The following CSGALNACT1 variants were observed in gnomAD, a reference collection of about 807,000 sequenced individuals.
CSGALNACT1 encodes chondroitin sulfate N-acetylgalactosaminyltransferase 1.
A neutral mutation model predicts 51.0 loss-of-function variants in CSGALNACT1; 52 were observed. The ratio of observed to expected loss-of-function variants is 1.02; its 90% CI spans 0.82 to 1.29. The LOEUF is 1.29. Ranked by LOEUF, CSGALNACT1 falls within the 50% of genes most tolerant of loss-of-function variation. The probability of loss-of-function intolerance (pLI) is 0.00; values close to 1 mark genes in which losing one functional copy is unlikely to be tolerated. For synonymous variants in CSGALNACT1, 341 were observed against 254.4 expected, an observed-to-expected ratio of 1.34 and a Z score of -3.24; for missense variants, 935 against 679.2, an observed-to-expected ratio of 1.38 and a Z score of -4.19.
intron 4 of CSGALNACT1, among the ~76,000 whole-genome samples, chr8:19,502,233 G>T (rs1363465073): frequency 6.6e-6 from 1 of 152,204 alleles, no homozygotes; most frequent in Non-Finnish European, 1.5e-5. Flanking sequence ...TCTGAGAGAT[G>T]GTTGCTTGGC....
intron 3 of CSGALNACT1, among the ~76,000 whole-genome samples, chr8:19,526,361 G>A (rs1367017060): frequency 6.6e-5 from 10 of 152,188 alleles, no homozygotes; most frequent in Admixed American, 6.5e-4. Context: ...GAGGCAGGCA[G>A]ATCACAAGGT....
Position 19,514,475 on chromosome 8 carries a change from CTATATATATATATATATATATATA to C in CSGALNACT1, c.-296-8369_-296-8346del, listed in dbSNP as rs33928915. On this transcript the variant is annotated intron_variant, in intron 3 of 9. Transcript: ENST00000454498. ...GCATCATATGACTTTTGAACAGAGA[CTATATATATATATATATATATATA>C]TATATATATATACATGTATCTATTT... Among the ~76,000 whole-genome samples, 281 of 78,818 alleles carry C rather than the reference CTATATATATATATATATATATATA, an allele frequency of 3.6e-3. 7 individuals are homozygous for C. The highest frequency in any genetic ancestry group is 8.5e-3 in the Middle Eastern group (1 of 118). The allele number at this position is 78,818 out of a possible 152,430, so 51.7% of individuals were successfully genotyped here.
rs142099943 is a variant in CSGALNACT1, at chr8:19,737,965, C to T, written c.-297+19885G>A. 3.7e-3 allele frequency among the ~76,000 whole-genome samples: 566 copies of T among 152,244 alleles called. 4 individuals carry two copies. The highest frequency in any genetic ancestry group is 0.013 in the African/African-American group (544 of 41,548). Reference sequence around the variant, plus strand: ...ATATTAAAAGAGTTCTGGAGATGGGCAGTGGTGATAGTTGCATAACATGAA... The same window carrying T: ...ATATTAAAAGAGTTCTGGAGATGGGTAGTGGTGATAGTTGCATAACATGAA... On this transcript the variant is annotated intron_variant, in intron 1 of 1. Transcript: ENST00000517494.
At chr8:19,742,945 T>G (rs1307497218) in intron 1 of CSGALNACT1, among the ~76,000 whole-genome samples, 1 of 152,216 alleles carries the variant, frequency 6.6e-6, no homozygotes, top group Non-Finnish European at 1.5e-5. Flanking sequence ...GGCTTCTCCT[T>G]CTGTGGTGCA....
exon 4 of CSGALNACT1, chr8:19,505,854 C>G: frequency 6.2e-7 from 1 of 1,606,202 alleles, no homozygotes; most frequent in South Asian, 1.1e-5. Flanking sequence ...AGCCATGCGT[C>G]CAGAACCGGT....
Position 19,406,259 on chromosome 8 carries a change from A to G in CSGALNACT1, c.1310-190T>C, listed in dbSNP as rs1198059229. Among the ~76,000 whole-genome samples the G allele has an allele frequency of 2.6e-5, 4 of 152,142 alleles. No homozygotes were observed. In the East Asian group the frequency reaches 5.8e-4, roughly 22 times the overall value. On this transcript the variant is annotated intron_variant, in intron 9 of 9. Coordinates refer to ENST00000454498, the Ensembl canonical transcript of CSGALNACT1. The stretch of plus-strand genomic sequence containing the variant: ...GAATTCCCCAACAAAGACGACTTTT[A>G]TGGCAGACAGCACCGACTTCTTCAG...
intron 1 of CSGALNACT1, among the ~76,000 whole-genome samples, chr8:19,706,656 G>A (rs1393035663): frequency 1.3e-5 from 2 of 152,144 alleles, no homozygotes. Flanking sequence ...CAGAGCATCT[G>A]CAGGTCAGGC....
intron 4 of CSGALNACT1, among the ~76,000 whole-genome samples, chr8:19,500,552 A>G (rs2076242606): frequency 6.6e-6 from 1 of 152,136 alleles, no homozygotes; most frequent in African/African-American, 2.4e-5. Context: ...CAGGACCTCA[A>G]ATTCTATTTG....
At chr8:19,629,767 T>C (rs1309608973) in intron 1 of CSGALNACT1, among the ~76,000 whole-genome samples, 1 of 152,204 alleles carries the variant, frequency 6.6e-6, no homozygotes, top group African/African-American at 2.4e-5. Context: ...AATCAAGCCC[T>C]TCTTTCAGGA....
At chr8:19,607,005 A>C (rs2051474113), upstream of CSGALNACT1, among the ~76,000 whole-genome samples, 1 of 152,084 alleles carries the variant, frequency 6.6e-6, no homozygotes. Flanking sequence ...AATACAAAAA[A>C]TTAGCCGGGC....
intron 1 of CSGALNACT1, among the ~76,000 whole-genome samples, chr8:19,614,414 G>C (rs1216780276): frequency 6.6e-6 from 1 of 152,124 alleles, no homozygotes; most frequent in East Asian, 1.9e-4. Context: ...CAGTTAGCCA[G>C]TTTCTGTTCT....
chr8:19,513,436 C>CTCTATATA lies in CSGALNACT1; in HGVS notation c.-296-7307_-296-7306insTATATAGA. Reference sequence around the variant, plus strand: ...TCTCACTCTCTCTCTCTCTCTCTCTCTATATATATATATATATATATATAT... The same window carrying CTCTATATA: ...TCTCACTCTCTCTCTCTCTCTCTCTCTCTATATATATATATATATATATATATATATAT... On this transcript the variant is annotated intron_variant, in intron 3 of 9. Coordinates refer to ENST00000454498, the Ensembl canonical transcript of CSGALNACT1. Among the ~76,000 whole-genome samples the CTCTATATA allele has an allele frequency of 4.2e-3, 345 of 81,940 alleles. 1 individual carries two copies. Among genetic ancestry groups the CTCTATATA allele is most frequent in the East Asian group, 0.01 (13 of 1,264 alleles). The allele number at this position is 81,940 out of a possible 152,430, so 53.8% of individuals were successfully genotyped here.
At chr8:19,659,065 C>G (rs900435870) in intron 1 of CSGALNACT1, among the ~76,000 whole-genome samples, 11 of 152,156 alleles carry the variant, frequency 7.2e-5, no homozygotes, top group Non-Finnish European at 1.2e-4. Context: ...AGGGCTCCCC[C>G]CAACCCACCC....
chr8:19,577,039 C>A (rs1212468911), intron 3 of CSGALNACT1, among the ~76,000 whole-genome samples: 1 of 151,838 alleles, frequency 6.6e-6, no homozygotes, highest in Non-Finnish European at 1.5e-5. Context: ...AACATCCAAA[C>A]CCCCTTAGAC....
chr8:19,531,461 C>A (rs960084078), intron 3 of CSGALNACT1, among the ~76,000 whole-genome samples: 7 of 152,172 alleles, frequency 4.6e-5, no homozygotes, highest in Non-Finnish European at 1.0e-4. Context: ...TGGATCACTT[C>A]ATTTATTTAA....
At chr8:19,613,927 C>T (rs1479298168) in intron 1 of CSGALNACT1, among the ~76,000 whole-genome samples, 1 of 152,128 alleles carries the variant, frequency 6.6e-6, no homozygotes, top group African/African-American at 2.4e-5. Context: ...TTAGGGAAGT[C>T]CCAGATGTCA....
chr8:19,462,254 C>A (rs772687108), intron 4 of CSGALNACT1, among the ~76,000 whole-genome samples: 8 of 152,194 alleles, frequency 5.3e-5, no homozygotes, highest in Non-Finnish European at 1.0e-4. Context: ...TTATTCATGT[C>A]AGTAGCATAA....
intron 1 of CSGALNACT1, among the ~76,000 whole-genome samples, chr8:19,667,024 G>GA (rs1564386623): frequency 3.8e-4 from 10 of 26,626 alleles, no homozygotes; most frequent in East Asian, 2.0e-3. Flanking sequence ...AGAAAGGAAG[G>GA]AAGGAAGGAA....
chr8:19,744,009 A>G (rs10503663), intron 1 of CSGALNACT1, among the ~76,000 whole-genome samples: 7,079 of 152,314 alleles, frequency 0.046, 242 homozygotes, highest in Admixed American at 0.073. Flanking sequence ...GTATGTTATG[A>G]CCAGACTATT....
Sources: allele counts gnomAD v4.1 joint callset (sites outside exome capture counted in the v4.1 genomes callset), GRCh38; gene constraint gnomAD v4.1.1; transcripts MANE v1.5; gene names NCBI Gene and HGNC (gene_info 2026-07-23, HGNC 2026-07-21).